TRIM24: variants seen among roughly 807,000 people sequenced by gnomAD.
The protein encoded by TRIM24 is tripartite motif containing 24.
In TRIM24, 29 loss-of-function variants were observed where a neutral mutation model predicts 123.9. The observed-to-expected ratio is 0.23, with a 90% CI of 0.17 to 0.32. The LOEUF (loss-of-function observed/expected upper bound fraction) is 0.32, where lower values mean the gene tolerates loss of function less well. Ranked by LOEUF, TRIM24 falls within the 10% of genes least tolerant of loss-of-function variation. The pLI is 1.00. For synonymous variants in TRIM24, 456 were observed against 461.1 expected, an observed-to-expected ratio of 0.99 and a Z score of 0.14; for missense variants, 932 against 1,295.3, an observed-to-expected ratio of 0.72 and a Z score of 4.31.
intron 1 of TRIM24, among the ~76,000 whole-genome samples, chr7:138,489,444 G>A (rs920712630): frequency 6.6e-6 from 1 of 152,118 alleles, no homozygotes. Flanking sequence ...TCCTAGCATC[G>A]ATGGTCTTTA....
intron 1 of TRIM24, among the ~76,000 whole-genome samples, chr7:138,462,038 A>C (rs888335572): frequency 9.8e-5 from 15 of 152,286 alleles, no homozygotes; most frequent in African/African-American, 3.6e-4. Context: ...TGCCAGCGAG[A>C]TACTGACTGC....
intron 1 of TRIM24, among the ~76,000 whole-genome samples, chr7:138,488,942 G>A (rs1255672426): frequency 6.6e-6 from 1 of 152,194 alleles, no homozygotes; most frequent in Non-Finnish European, 1.5e-5. Context: ...AATGTTGACA[G>A]TGGGGTGTTA....
chr7:138,570,055 C>A (rs929409706), intron 10 of TRIM24, among the ~76,000 whole-genome samples: 1 of 150,938 alleles, frequency 6.6e-6, no homozygotes, highest in Non-Finnish European at 1.5e-5. Flanking sequence ...TCCAGTGATT[C>A]TCCTGCCACA....
intron 9 of TRIM24, among the ~76,000 whole-genome samples, chr7:138,567,237 AC>A (rs1396481699): frequency 6.6e-6 from 1 of 152,180 alleles, no homozygotes; most frequent in Non-Finnish European, 1.5e-5. Flanking sequence ...CAATCTACTT[AC>A]AAAATCTAGG....
chr7:138,488,674 G>A (rs192751668), intron 1 of TRIM24, among the ~76,000 whole-genome samples: 17 of 152,204 alleles, frequency 1.1e-4, no homozygotes, highest in African/African-American at 3.4e-4. Context: ...GAGTTTCTTA[G>A]TCCTGAGTTC....
chr7:138,584,598 C>T, intron 18 of TRIM24, 144 bp from the exon 19 acceptor site: 1 of 600,968 alleles, frequency 1.7e-6, no homozygotes, highest in Non-Finnish European at 2.7e-6. Flanking sequence ...TTTAGCTGGC[C>T]TTCTGTACAG....
chr7:138,575,168 T>TATCA lies in TRIM24; in HGVS notation c.2015-1199_2015-1196dup, dbSNP rs369325171. Among the ~76,000 whole-genome samples, 642 of 152,316 alleles carry TATCA rather than the reference T, an allele frequency of 4.2e-3. 8 individuals are homozygous for TATCA. The highest frequency in any genetic ancestry group is 0.014 in the African/African-American group (590 of 41,560). ...GTATGTTTAAAACTGGAAAGAGATA[T>TATCA]ATCAATCAACCTTAGCAGTGTTTAT... On this transcript the variant is annotated intron_variant, in intron 12 of 18. Transcript: ENST00000343526.
At chr7:138,513,354 C>T (rs1796328314) in intron 2 of TRIM24, among the ~76,000 whole-genome samples, 1 of 152,160 alleles carries the variant, frequency 6.6e-6, no homozygotes, top group Admixed American at 6.5e-5. Context: ...TGCCCCACTC[C>T]TCAGTACCGA....
chr7:138,520,841 T>A (rs1027292165), intron 4 of TRIM24, among the ~76,000 whole-genome samples: 25 of 152,066 alleles, frequency 1.6e-4, no homozygotes, highest in Non-Finnish European at 3.1e-4. Flanking sequence ...AAGAGGAGGA[T>A]GAAAAGTAGA....
At chr7:138,513,823 T>C (rs758264458) in intron 2 of TRIM24, among the ~76,000 whole-genome samples, 123 of 152,352 alleles carry the variant, frequency 8.1e-4, no homozygotes, top group Non-Finnish European at 1.4e-3. Flanking sequence ...GTACTAACAA[T>C]CTCTCCTGAG....
chr7:138,511,569 C>T (rs908694545), intron 2 of TRIM24, among the ~76,000 whole-genome samples: 2 of 152,074 alleles, frequency 1.3e-5, no homozygotes, highest in Non-Finnish European at 2.9e-5. Context: ...GGATTATATG[C>T]GTGAGCCACT....
At chr7:138,557,569 C>T (rs981505952) in intron 9 of TRIM24, among the ~76,000 whole-genome samples, 6 of 152,150 alleles carry the variant, frequency 3.9e-5, no homozygotes, top group Admixed American at 3.9e-4. Flanking sequence ...AACCAGCCCC[C>T]GAAGAGGGTA....
intron 1 of TRIM24, among the ~76,000 whole-genome samples, chr7:138,481,153 C>T (rs544634492): frequency 7.9e-5 from 12 of 152,000 alleles, no homozygotes; most frequent in East Asian, 3.9e-4. Context: ...CCACTACGCC[C>T]GGCTAATTTT....
intron 9 of TRIM24, among the ~76,000 whole-genome samples, chr7:138,559,220 C>T (rs1169248014): frequency 3.3e-5 from 5 of 152,204 alleles, no homozygotes; most frequent in East Asian, 1.9e-4. Flanking sequence ...TGGCTCCCTG[C>T]GCACTCATAA....
At chr7:138,538,614 T>G (rs375527380) in intron 6 of TRIM24, 43 bp from the exon 7 acceptor site, 4 of 1,606,570 alleles carry the variant, frequency 2.5e-6, no homozygotes, top group Non-Finnish European at 3.4e-6. Context: ...AAAGTCTATG[T>G]TACATGCTGA....
At chr7:138,571,778 C>G (rs1160278158) in intron 11 of TRIM24, among the ~76,000 whole-genome samples, 1 of 151,654 alleles carries the variant, frequency 6.6e-6, no homozygotes, top group Non-Finnish European at 1.5e-5. Flanking sequence ...CCTATGTTAC[C>G]CAGGCTGGTC....
Position 138,536,030 on chromosome 7 carries a change from C to T in TRIM24, c.997-2627C>T, listed in dbSNP as rs182913544. 2.4e-3 allele frequency among the ~76,000 whole-genome samples: 359 copies of T among 152,262 alleles called. 3 individuals are homozygous for T. Among genetic ancestry groups the T allele is most frequent in the Non-Finnish European group, 2.6e-3 (180 of 68,024 alleles). On this transcript the variant is annotated intron_variant, in intron 6 of 18. Coordinates refer to ENST00000343526, the MANE Select transcript of TRIM24 (RefSeq NM_015905.3). Reference sequence around the variant, plus strand: ...AATCAGGTACTGAAGCTTGTGCATTCGTCACGTACTTCTTGTGCCATGGTT... The same window carrying T: ...AATCAGGTACTGAAGCTTGTGCATTTGTCACGTACTTCTTGTGCCATGGTT...
chr7:138,541,929 C>A (rs1311682430), intron 7 of TRIM24, among the ~76,000 whole-genome samples: 1 of 152,182 alleles, frequency 6.6e-6, no homozygotes, highest in African/African-American at 2.4e-5. Flanking sequence ...TCTCATGGAC[C>A]AACCTCTGCC....
At chr7:138,469,121 C>T (rs1795214391) in intron 1 of TRIM24, among the ~76,000 whole-genome samples, 1 of 152,164 alleles carries the variant, frequency 6.6e-6, no homozygotes, top group South Asian at 2.1e-4. Flanking sequence ...GTACTAGTTA[C>T]TCTATTCCTG....
Sources: allele counts gnomAD v4.1 joint callset (sites outside exome capture counted in the v4.1 genomes callset), GRCh38; gene constraint gnomAD v4.1.1; transcripts MANE v1.5; gene names NCBI Gene and HGNC (gene_info 2026-07-23, HGNC 2026-07-21).